The following NBPF4 variants were observed in gnomAD, a reference collection of about 807,000 sequenced individuals.
NBPF4 encodes NBPF member 4.
A neutral mutation model predicts 21.1 loss-of-function variants in NBPF4; 11 were observed. The observed-to-expected ratio is 0.52, with a 90% confidence interval of 0.33 to 0.86. NBPF4 has a LOEUF of 0.86. Ranked by LOEUF, NBPF4 falls within the 40% of genes least tolerant of loss-of-function variation. The pLI is 0.03. For synonymous variants in NBPF4, 47 were observed against 106.4 expected, an observed-to-expected ratio of 0.44 and a Z score of 3.43; for missense variants, 88 against 265.3, an observed-to-expected ratio of 0.33 and a Z score of 4.64.
chr1:108,228,507 G>T (rs1649545194), intron 13 of NBPF4, among the ~76,000 whole-genome samples: 1 of 151,776 alleles, frequency 6.6e-6, no homozygotes, highest in African/African-American at 2.4e-5. Flanking sequence ...CCTCAGAGGA[G>T]ACATCGTCCG....
intron 12 of NBPF4, 34 bp from the exon 13 acceptor site, chr1:108,229,190 TCA>T: frequency 1.4e-6 from 2 of 1,477,148 alleles, no homozygotes; most frequent in South Asian, 1.2e-5. Flanking sequence ...AGGAACAATC[TCA>T]GTTTTCCCTT....
At chr1:108,252,768 C>G in the NBPF4 span, among the ~76,000 whole-genome samples, 1 of 107,602 alleles carries the variant, frequency 9.3e-6, no homozygotes, top group Non-Finnish European at 1.8e-5. Flanking sequence ...TTTTGGTTTT[C>G]TTTTCTTCTG....
chr1:108,264,150 G>A, the NBPF4 span, among the ~76,000 whole-genome samples: 4 of 147,702 alleles, frequency 2.7e-5, no homozygotes, highest in African/African-American at 1.0e-4. Context: ...CATATCTCAT[G>A]TGCAAAGATG....
At chr1:108,267,377 AAAAC>A in the NBPF4 span, among the ~76,000 whole-genome samples, 2 of 122,130 alleles carry the variant, frequency 1.6e-5, no homozygotes, top group Non-Finnish European at 3.5e-5. Flanking sequence ...CAATGCAAGA[AAAAC>A]AAAGAGAGAG....
Position 108,224,481 on chromosome 1 carries a change from C to T in NBPF4, c.1876-735G>A, listed in dbSNP as rs868739838. On this transcript the variant is annotated intron_variant, in intron 14 of 14. Coordinates refer to ENST00000415641, the MANE Select transcript of NBPF4 (RefSeq NM_001143989.3). The stretch of plus-strand genomic sequence containing the variant: ...GGTTTTACAGATAAATATGATGGTG[C>T]TGCTGTTTCTTTGGTTGGTTAAAAA... Among the ~76,000 whole-genome samples the T allele has an allele frequency of 4.1e-5, 6 of 145,074 alleles. 1 individual carries two copies. Among genetic ancestry groups the T allele is most frequent in the Middle Eastern group, 3.5e-3 (1 of 286 alleles).
chr1:108,263,923 A>G, the NBPF4 span, among the ~76,000 whole-genome samples: 1 of 90,154 alleles, frequency 1.1e-5, no homozygotes, highest in East Asian at 3.0e-4. Context: ...AAAATCACAC[A>G]CAAAAACACA....
the NBPF4 span, among the ~76,000 whole-genome samples, chr1:108,250,171 TG>T: frequency 2.1e-3 from 140 of 66,690 alleles, no homozygotes; most frequent in South Asian, 2.8e-3. Context: ...CTATTTATAT[TG>T]AACTTATATT....
chr1:108,226,226 G>A (rs1295357143), intron 14 of NBPF4, among the ~76,000 whole-genome samples: 1 of 151,010 alleles, frequency 6.6e-6, no homozygotes, highest in African/African-American at 2.5e-5. Flanking sequence ...AATTAGTTGT[G>A]TTGCTCAAAA....
Position 108,229,073 on chromosome 1 carries a change from G to A in NBPF4, c.1507C>T (p.Gln503Ter). 6.4e-7 allele frequency: 1 copy of A among 1,551,070 alleles called. No individual in the cohort carries two copies. The highest frequency in any genetic ancestry group is 1.7e-4 in the Middle Eastern group (1 of 5,964). The change falls in exon 13 of 15, where the codon CAG (glutamine) becomes TAG (stop). Residue 503 changes from glutamine (Q) to a stop codon, truncating the protein, a stop_gained. Coordinates refer to ENST00000415641, the MANE Select transcript of NBPF4 (RefSeq NM_001143989.3). LOFTEE classifies it high-confidence loss of function. Reference sequence around the variant, plus strand: ...GGCACCAGGGTGCTTGGTTCCAGCTGTGCCTGTGAAACTTGCACCTCTGAC... The same window carrying A: ...GGCACCAGGGTGCTTGGTTCCAGCTATGCCTGTGAAACTTGCACCTCTGAC... ...HQSEVQVSQA[Q>*]LEPSTLVPSC...
chr1:108,247,993 A>G (rs1316622625), upstream of NBPF4, among the ~76,000 whole-genome samples: 6 of 151,260 alleles, frequency 4.0e-5, no homozygotes, highest in African/African-American at 1.5e-4. Flanking sequence ...TTTTTTTTTA[A>G]TTTTTTGTAG....
chr1:108,259,576 T>C, the NBPF4 span, among the ~76,000 whole-genome samples: 3 of 144,546 alleles, frequency 2.1e-5, no homozygotes, highest in Non-Finnish European at 4.5e-5. Flanking sequence ...TCCTATTGGA[T>C]GTTAAGATGA....
At chr1:108,253,759 T>C in the NBPF4 span, among the ~76,000 whole-genome samples, 19 of 6,720 alleles carry the variant, frequency 2.8e-3, no homozygotes, top group African/African-American at 0.01. Context: ...TTTTATACAA[T>C]TGCCAACCTA....
intron 14 of NBPF4, among the ~76,000 whole-genome samples, chr1:108,226,361 G>C (rs1649472519): frequency 6.6e-6 from 1 of 151,040 alleles, no homozygotes; most frequent in Non-Finnish European, 1.5e-5. Context: ...TGTGATTCCG[G>C]GCAAACAACC....
At position 108,229,138 on chromosome 1, in the gene NBPF4, C is replaced by T. The variant is rs754031844; in HGVS notation, c.1442G>A (p.Cys481Tyr). 5.2e-6 allele frequency: 8 copies of T among 1,550,672 alleles called. No individual in the cohort carries two copies. The South Asian group carries it at 8.3e-5, about 16-fold the overall frequency. ...GTCTCCACTCCAAGTCCCTTGGGGA[C>T]AGGCCGCCTCGGTGGGGGCTGAAAG... Reference protein sequence around the residue: ...LDVASPTEAACPQGTWSGDLS... With the variant: ...LDVASPTEAAYPQGTWSGDLS... Residue 481 changes from cysteine to tyrosine, a missense_variant, in exon 13 of 15, where the codon TGT (cysteine) becomes TAT (tyrosine). By Grantham distance (194) the Cys-to-Tyr change is radical. Transcript: ENST00000415641.
intron 14 of NBPF4, among the ~76,000 whole-genome samples, chr1:108,225,914 G>A (rs1649457240): frequency 1.2e-5 from 1 of 83,460 alleles, no homozygotes; most frequent in Non-Finnish European, 2.4e-5. Flanking sequence ...ACCTCATGAT[G>A]TATGCAGTTT....
At chr1:108,246,187 T>C (rs1450066106), upstream of NBPF4, among the ~76,000 whole-genome samples, 4 of 120,192 alleles carry the variant, frequency 3.3e-5, 1 homozygote, top group African/African-American at 1.2e-4. Flanking sequence ...GAGGATGGTG[T>C]GGGCTGCTGA....
At chr1:108,247,335 AG>A (rs1649868439), upstream of NBPF4, among the ~76,000 whole-genome samples, 1 of 136,270 alleles carries the variant, frequency 7.3e-6, no homozygotes, top group African/African-American at 2.8e-5. Flanking sequence ...GATCAGAGTA[AG>A]AAACATCTGG....
At chr1:108,253,982 T>C in the NBPF4 span, among the ~76,000 whole-genome samples, 1 of 62,208 alleles carries the variant, frequency 1.6e-5, no homozygotes, top group Non-Finnish European at 3.1e-5. Context: ...GATATATGGC[T>C]TGCAAATATT....
Position 108,228,918 on chromosome 1 carries a change from A to G in NBPF4, c.1660+2T>C. The G allele has an allele frequency of 7.1e-7, 1 of 1,414,482 alleles. No individual in the cohort carries two copies. The highest frequency in any genetic ancestry group is 9.7e-7 in the Non-Finnish European group (1 of 1,026,326). The allele number at this position is 1,414,482 out of a possible 1,614,324, so 87.6% of individuals were successfully genotyped here. A position where few individuals can be genotyped will look rare whatever the true frequency, so the allele number is the denominator to read the frequency against. ...GCTTCATGACGCCGTTTCCTTCCCTACCTTGGAAGGGCCATTGGTTCCCAG... is the reference window on the plus strand; with the variant it reads ...GCTTCATGACGCCGTTTCCTTCCCTGCCTTGGAAGGGCCATTGGTTCCCAG... On this transcript the variant is annotated splice_donor_variant, in intron 13 of 14. Transcript: ENST00000415641. LOFTEE classifies it high-confidence loss of function.
Sources: gnomAD v4.1 joint callset for allele counts (sites outside exome capture counted in the v4.1 genomes callset) on GRCh38, gnomAD v4.1.1 for gene constraint, MANE v1.5 for transcripts, NCBI Gene and HGNC (gene_info 2026-07-23, HGNC 2026-07-21) for gene names.